Variants in ARPP21 observed in about 807,000 individuals in gnomAD.
ARPP21 encodes the protein cAMP regulated phosphoprotein 21.
A neutral mutation model predicts 113.2 loss-of-function variants in ARPP21; 69 were observed. The observed-to-expected ratio is 0.61, with a 90% CI of 0.50 to 0.74. The LOEUF (loss-of-function observed/expected upper bound fraction) is 0.74, where lower values mean the gene tolerates loss of function less well. Ranked by LOEUF, ARPP21 falls within the 30% of genes least tolerant of loss-of-function variation. The pLI is 0.00. For synonymous variants in ARPP21, 368 were observed against 375.5 expected, an observed-to-expected ratio of 0.98 and a Z score of 0.23; for missense variants, 1,070 against 1,037.4, an observed-to-expected ratio of 1.03 and a Z score of -0.43.
rs2093789516 is a variant in ARPP21 at position 35,729,489 on chromosome 3, C to T, written c.1412C>T (p.Ala471Val). The change falls in exon 15 of 21, where the codon GCT becomes GTT. Residue 471 changes from alanine to valine, a missense_variant. Physicochemically the swap from Ala to Val is moderately conservative, Grantham distance 64. Coordinates refer to ENST00000684406, the MANE Select transcript of ARPP21 (RefSeq NM_001385562.1). ...STSYILLPLE[A>V]ATGIPPGSIL... Reference sequence around the variant, plus strand: ...AGCTACATCCTCCTTCCACTTGAAGCTGCAACAGGCATCCCGCCTGGAAGC... The same window carrying T: ...AGCTACATCCTCCTTCCACTTGAAGTTGCAACAGGCATCCCGCCTGGAAGC... The T allele has an allele frequency of 1.2e-6, 2 of 1,614,230 alleles. No homozygotes were observed. Among genetic ancestry groups the T allele is most frequent in the Non-Finnish European group, 8.5e-7 (1 of 1,180,040 alleles).
intron 18 of ARPP21, among the ~76,000 whole-genome samples, chr3:35,743,399 G>A (rs536977358): frequency 2.4e-4 from 36 of 152,280 alleles, no homozygotes; most frequent in African/African-American, 8.7e-4. Context: ...GCTCCATATG[G>A]CTGGGGTGGC....
chr3:35,764,460 C>G (rs1403872728), intron 19 of ARPP21, among the ~76,000 whole-genome samples: 2 of 152,014 alleles, frequency 1.3e-5, no homozygotes, highest in Admixed American at 1.3e-4. Context: ...TTCTTTTCTT[C>G]TCTTCAATGG....
At position 35,640,067 on chromosome 3, in the gene ARPP21, A is replaced by AGC. The variant is rs1463067552; in HGVS notation, c.-540_-539dup. On this transcript the variant is annotated 5_prime_UTR_variant, in exon 1 of 21. Coordinates refer to ENST00000684406, the MANE Select transcript of ARPP21 (RefSeq NM_001385562.1). ...GAGAAGGCGGCGGTGGCACCTTCTG[A>AGC]GCGCGTCCGGAGCAGAGACCAGCAG... 6.6e-6 allele frequency: 1 copy of AGC among 152,346 alleles called. No homozygotes were observed. Among genetic ancestry groups the AGC allele is most frequent in the African/African-American group, 2.4e-5 (1 of 41,420 alleles). 9.4% of individuals were successfully genotyped at this position (152,346 alleles called of 1,614,324 possible). A position where few individuals can be genotyped will look rare whatever the true frequency, so the allele number is the denominator to read the frequency against.
chr3:35,760,712 G>T (rs1025589938), intron 19 of ARPP21, among the ~76,000 whole-genome samples: 1 of 152,062 alleles, frequency 6.6e-6, no homozygotes, highest in Non-Finnish European at 1.5e-5. Context: ...ATGGCACTGT[G>T]GATATTAGAC....
rs941546790 is a variant in ARPP21 at position 35,690,263 on chromosome 3, G to T, written c.545+123G>T. On this transcript the variant is annotated intron_variant, in intron 8 of 20. Coordinates refer to ENST00000684406, the MANE Select transcript of ARPP21 (RefSeq NM_001385562.1). Reference sequence around the variant, plus strand: ...CATTGTTTAATATGTTCCTTGATTTGTTAAATGGAGACATTATTGGAGTTA... The same window carrying T: ...CATTGTTTAATATGTTCCTTGATTTTTTAAATGGAGACATTATTGGAGTTA... 15 of 632,336 alleles carry T rather than the reference G, an allele frequency of 2.4e-5. No individual in the cohort carries two copies. The African/African-American group carries it at 2.4e-4, about 10-fold the overall frequency. The allele number at this position is 632,336 out of a possible 1,614,324, so 39.2% of individuals were successfully genotyped here.
At chr3:35,776,736 T>A (rs2096381130) in intron 19 of ARPP21, among the ~76,000 whole-genome samples, 1 of 152,092 alleles carries the variant, frequency 6.6e-6, no homozygotes, top group South Asian at 2.1e-4. Context: ...GTGACACATA[T>A]GGAGTAGAGC....
chr3:35,747,535 G>A (rs946707515), intron 19 of ARPP21, among the ~76,000 whole-genome samples: 1 of 152,098 alleles, frequency 6.6e-6, no homozygotes, highest in East Asian at 1.9e-4. Context: ...GCATTATCAG[G>A]TACCTCCAAT....
intron 1 of ARPP21, among the ~76,000 whole-genome samples, chr3:35,675,344 C>A (rs1276331155): frequency 6.6e-6 from 1 of 151,758 alleles, no homozygotes; most frequent in African/African-American, 2.4e-5. Flanking sequence ...CTGAAACTAA[C>A]CTTGATGCTG....
chr3:35,741,279 G>T (rs956194870), intron 18 of ARPP21, among the ~76,000 whole-genome samples: 1 of 152,172 alleles, frequency 6.6e-6, no homozygotes, highest in Non-Finnish European at 1.5e-5. Context: ...AAGATAGAAA[G>T]AGAGGGAGAT....
intron 18 of ARPP21, among the ~76,000 whole-genome samples, chr3:35,742,137 TTA>T (rs1455191185): frequency 1.3e-5 from 2 of 152,260 alleles, no homozygotes; most frequent in Non-Finnish European, 2.9e-5. Context: ...TGAGGATATT[TTA>T]TGTTTTATAT....
At position 35,640,226 on chromosome 3, in the gene ARPP21, A is replaced by C. The variant is rs865945814; in HGVS notation, c.-385A>C. 2.7e-5 allele frequency: 4 copies of C among 148,918 alleles called. No homozygotes were observed. Among genetic ancestry groups the C allele is most frequent in the African/African-American group, 1.0e-4 (4 of 38,292 alleles). 9.2% of individuals were successfully genotyped at this position (148,918 alleles called of 1,614,324 possible). A position where few individuals can be genotyped will look rare whatever the true frequency, so the allele number is the denominator to read the frequency against. On this transcript the variant is annotated 5_prime_UTR_variant, in exon 1 of 21. Transcript: ENST00000684406. Reference sequence around the variant, plus strand: ...AGTTAAATAAATCGACCAAAAACAAAACAAACAAACAAACCCAACAACAAC... The same window carrying C: ...AGTTAAATAAATCGACCAAAAACAACACAAACAAACAAACCCAACAACAAC...
chr3:35,751,937 T>C (rs987599355), intron 19 of ARPP21, among the ~76,000 whole-genome samples: 4 of 152,048 alleles, frequency 2.6e-5, no homozygotes, highest in African/African-American at 9.7e-5. Context: ...GGAAACAGTA[T>C]CTCAATAATT....
Position 35,794,112 on chromosome 3 carries a change from C to A in ARPP21, c.*154C>A. 1 of 691,228 alleles carries A rather than the reference C, an allele frequency of 1.4e-6. No homozygotes were observed. The highest frequency in any genetic ancestry group is 1.8e-5 in the African/African-American group (1 of 55,950). The allele number at this position is 691,228 out of a possible 1,614,324, so 42.8% of individuals were successfully genotyped here. The stretch of plus-strand genomic sequence containing the variant: ...TAAAAAATAAACAAAGACTAATATA[C>A]ACGTTAGCTGGTTAATGGTGCATAT... On this transcript the variant is annotated 3_prime_UTR_variant, in exon 21 of 21. Coordinates refer to ENST00000684406, the MANE Select transcript of ARPP21 (RefSeq NM_001385562.1).
chr3:35,644,829 A>G (rs1251400433), intron 1 of ARPP21, among the ~76,000 whole-genome samples: 1 of 151,932 alleles, frequency 6.6e-6, no homozygotes, highest in East Asian at 1.9e-4. Flanking sequence ...CCATGGTCAC[A>G]GTAGATCAAT....
chr3:35,784,979 A>G (rs2096599688), intron 19 of ARPP21: 1 of 152,100 alleles, frequency 6.6e-6, no homozygotes, highest in Non-Finnish European at 1.5e-5. Context: ...TGATCACAAT[A>G]ATGCTGACCC....
In ARPP21 at chr3:35,665,465, C is replaced by T. The variant is rs542046444; in HGVS notation, c.-212-14322C>T. Among the ~76,000 whole-genome samples, 6 of 152,256 alleles carry T rather than the reference C, an allele frequency of 3.9e-5. No individual in the cohort carries two copies. The South Asian group carries it at 1.2e-3, about 32-fold the overall frequency. ...GACACTCTAAAAATATCTGCAGAAT[C>T]AAAATGTGTACTTAGATACCACACA... On this transcript the variant is annotated intron_variant, in intron 1 of 20. Coordinates refer to ENST00000684406, the MANE Select transcript of ARPP21 (RefSeq NM_001385562.1).
intron 1 of ARPP21, chr3:35,641,124 T>G (rs919768906): frequency 1.3e-5 from 2 of 152,200 alleles, no homozygotes; most frequent in African/African-American, 4.8e-5. Flanking sequence ...GGCAGTTATA[T>G]TTCTTAAAAG....
In ARPP21 at chr3:35,681,831, G is replaced by T; in HGVS notation, c.80G>T (p.Gly27Val). Residue 27 changes from glycine (G) to valine (V), a missense_variant, in exon 3 of 21, where the codon GGC (glycine) becomes GTC (valine). Physicochemically the swap from Gly to Val is moderately radical, Grantham distance 109. Transcript: ENST00000684406. Reference protein sequence around the residue: ...TEQETATPENGIVKSESLDEE... With the variant: ...TEQETATPENVIVKSESLDEE... ...CAGGAGACGGCCACTCCAGAGAACG[G>T]CATTGTTAAATCAGAAAGTCTGGAT... 1 of 1,612,126 alleles carries T rather than the reference G, an allele frequency of 6.2e-7. No homozygotes were observed. The highest frequency in any genetic ancestry group is 8.5e-7 in the Non-Finnish European group (1 of 1,178,790).
chr3:35,779,546 G>A (rs770573597), intron 19 of ARPP21, among the ~76,000 whole-genome samples: 1 of 151,454 alleles, frequency 6.6e-6, no homozygotes, highest in Non-Finnish European at 1.5e-5. Flanking sequence ...CACATCCATT[G>A]TGCATACTCA....
Sources: gnomAD v4.1 joint callset for allele counts (sites outside exome capture counted in the v4.1 genomes callset) on GRCh38, gnomAD v4.1.1 for gene constraint, MANE v1.5 for transcripts, NCBI Gene and HGNC (gene_info 2026-07-23, HGNC 2026-07-21) for gene names.